The following PHACTR1 variants were observed in gnomAD, a reference collection of about 807,000 sequenced individuals.
PHACTR1 encodes the protein phosphatase and actin regulator 1.
PHACTR1 carries 16 observed loss-of-function variants against 69.2 expected under a neutral mutation model. The observed-to-expected ratio is 0.23, with a 90% CI of 0.16 to 0.35. The LOEUF is 0.35. Among genes scored for constraint, PHACTR1 ranks in the 10% least tolerant of loss-of-function variants. The pLI is 1.00. For synonymous variants in PHACTR1, 312 were observed against 284.5 expected, an observed-to-expected ratio of 1.10 and a Z score of -0.97; for missense variants, 510 against 734.7, an observed-to-expected ratio of 0.69 and a Z score of 3.54.
intron 5 of PHACTR1, among the ~76,000 whole-genome samples, chr6:13,118,471 A>ATTT (rs140486749): frequency 6.6e-4 from 48 of 72,818 alleles, no homozygotes; most frequent in African/African-American, 1.2e-3. Flanking sequence ...AACCAGGGCC[A>ATTT]TTTTTTTTTT....
rs147116196 is a variant in PHACTR1, at chr6:12,833,587, A to G, written c.250+83797A>G. Among the ~76,000 whole-genome samples, 8 of 152,158 alleles carry G rather than the reference A, an allele frequency of 5.3e-5. No homozygotes were observed. The East Asian group carries it at 1.4e-3, about 26-fold the overall frequency. ...CCTCCAATTCTTGAATGACATCTGA[A>G]TATCTACTTCTGTCCATGTTCATCA... On this transcript the variant is annotated intron_variant, in intron 4 of 14. Coordinates refer to ENST00000332995, the MANE Select transcript of PHACTR1 (RefSeq NM_030948.6).
chr6:13,248,780 G>A (rs185312034), intron 10 of PHACTR1, among the ~76,000 whole-genome samples: 5 of 152,266 alleles, frequency 3.3e-5, no homozygotes, highest in African/African-American at 1.2e-4. Context: ...TGATCTGACT[G>A]CAGAGCTACC....
chr6:13,212,734 G>A (rs552697239), intron 8 of PHACTR1, among the ~76,000 whole-genome samples: 1 of 152,052 alleles, frequency 6.6e-6, no homozygotes, highest in Non-Finnish European at 1.5e-5. Context: ...ATTCTCGGAC[G>A]TGCCGGACAC....
chr6:13,186,784 G>A (rs1015481441), intron 7 of PHACTR1, among the ~76,000 whole-genome samples: 8 of 152,262 alleles, frequency 5.3e-5, no homozygotes, highest in East Asian at 3.9e-4. Context: ...GAGGTGGGGC[G>A]GGAGAGATTA....
intron 5 of PHACTR1, among the ~76,000 whole-genome samples, chr6:13,081,566 A>G (rs1004535495): frequency 6.6e-6 from 1 of 152,190 alleles, no homozygotes; most frequent in Non-Finnish European, 1.5e-5. Context: ...TCATGCCTGT[A>G]ATCCCAGCTC....
At chr6:12,768,406 GC>G (rs1306755124) in intron 4 of PHACTR1, among the ~76,000 whole-genome samples, 1 of 152,136 alleles carries the variant, frequency 6.6e-6, no homozygotes, top group Non-Finnish European at 1.5e-5. Context: ...GAGCCACCGC[GC>G]CCGGCCCAAA....
chr6:13,063,614 A>C (rs1256309547), intron 5 of PHACTR1, among the ~76,000 whole-genome samples: 2 of 150,312 alleles, frequency 1.3e-5, no homozygotes, highest in African/African-American at 5.0e-5. Context: ...TTACCACAAA[A>C]AAAAAAAAAT....
intron 4 of PHACTR1, among the ~76,000 whole-genome samples, chr6:12,896,286 G>A (rs1363649233): frequency 6.6e-6 from 1 of 152,230 alleles, no homozygotes; most frequent in Non-Finnish European, 1.5e-5. Context: ...GGCTTCAATT[G>A]TAGGGCAGGA....
intron 6 of PHACTR1, among the ~76,000 whole-genome samples, chr6:13,176,025 A>T (rs1761272190): frequency 1.3e-5 from 2 of 152,098 alleles, no homozygotes; most frequent in African/African-American, 2.4e-5. Context: ...TACCCCAGCA[A>T]TGAAGCAGCA....
intron 4 of PHACTR1, among the ~76,000 whole-genome samples, chr6:12,856,906 A>G (rs1780430171): frequency 1.3e-5 from 2 of 152,366 alleles, no homozygotes; most frequent in South Asian, 4.1e-4. Flanking sequence ...TTGCCTGCAG[A>G]AAAGGACCCT....
chr6:12,961,663 G>A (rs563131301), intron 4 of PHACTR1, among the ~76,000 whole-genome samples: 1 of 152,294 alleles, frequency 6.6e-6, no homozygotes, highest in East Asian at 1.9e-4. Flanking sequence ...TAGTAATGAA[G>A]AAAATCACCT....
chr6:12,732,537 T>G (rs1763677990), intron 3 of PHACTR1, among the ~76,000 whole-genome samples: 1 of 152,148 alleles, frequency 6.6e-6, no homozygotes, highest in African/African-American at 2.4e-5. Flanking sequence ...CCACGTGTTC[T>G]CATTGTTCAA....
At chr6:13,248,097 T>A (rs994608988) in intron 10 of PHACTR1, among the ~76,000 whole-genome samples, 28 of 152,266 alleles carry the variant, frequency 1.8e-4, no homozygotes, top group African/African-American at 6.7e-4. Flanking sequence ...GTACAGCACA[T>A]CCTTGAAGCA....
chr6:12,743,301 TAA>T (rs1279600272), intron 3 of PHACTR1, among the ~76,000 whole-genome samples: 5 of 152,156 alleles, frequency 3.3e-5, no homozygotes, highest in Non-Finnish European at 7.4e-5. Flanking sequence ...CCACTTTTGC[TAA>T]AGACAAATCA....
At chr6:13,028,181 T>C (rs1440401494) in intron 4 of PHACTR1, among the ~76,000 whole-genome samples, 1 of 152,222 alleles carries the variant, frequency 6.6e-6, no homozygotes, top group Non-Finnish European at 1.5e-5. Context: ...AGGTGACTAA[T>C]GTCCTAGAGG....
At chr6:12,780,120 A>G (rs1384648072) in intron 4 of PHACTR1, among the ~76,000 whole-genome samples, 1 of 152,182 alleles carries the variant, frequency 6.6e-6, no homozygotes, top group Non-Finnish European at 1.5e-5. Flanking sequence ...TTAGGGACTC[A>G]AGAACCTGAT....
chr6:13,092,025 C>T (rs1249797220), intron 5 of PHACTR1, among the ~76,000 whole-genome samples: 1 of 152,138 alleles, frequency 6.6e-6, no homozygotes, highest in African/African-American at 2.4e-5. Flanking sequence ...GTCTCGATCT[C>T]CTGACCTCAT....
intron 5 of PHACTR1, among the ~76,000 whole-genome samples, chr6:13,104,447 C>A (rs1815757918): frequency 6.6e-6 from 1 of 152,106 alleles, no homozygotes; most frequent in Non-Finnish European, 1.5e-5. Context: ...ATGACAGGGA[C>A]CTTGCCAATA....
intron 5 of PHACTR1, among the ~76,000 whole-genome samples, chr6:13,093,182 A>G (rs2127834167): frequency 6.6e-6 from 1 of 152,326 alleles, no homozygotes; most frequent in African/African-American, 2.4e-5. Flanking sequence ...TGAAACTGAT[A>G]TTAGGTTTTA....
Sources: gnomAD v4.1 joint callset for allele counts (sites outside exome capture counted in the v4.1 genomes callset) on GRCh38, gnomAD v4.1.1 for gene constraint, MANE v1.5 for transcripts, NCBI Gene and HGNC (gene_info 2026-07-23, HGNC 2026-07-21) for gene names.